Variants in IQGAP2 observed in about 807,000 individuals in gnomAD.
IQGAP2 encodes the protein ras GTPase-activating-like protein IQGAP2.
Under a neutral mutation model 201.3 loss-of-function variants are expected in IQGAP2, and 173 were observed. The ratio of observed to expected loss-of-function variants is 0.86; its 90% confidence interval spans 0.76 to 0.98. The LOEUF is 0.98. Ranked by LOEUF, IQGAP2 falls within the 50% of genes least tolerant of loss-of-function variation. IQGAP2 has a pLI of 0.00. For synonymous variants in IQGAP2, 675 were observed against 673.9 expected (o/e 1.00, Z -0.03); for missense variants, 1,687 against 1,864.8 (o/e 0.90, Z 1.76).
chr5:76,680,759 C>T (rs1398374113), intron 28 of IQGAP2, among the ~76,000 whole-genome samples: 2 of 149,166 alleles, frequency 1.3e-5, no homozygotes, highest in Non-Finnish European at 3.0e-5. Context: ...CCATTGTACC[C>T]TAACCTGGGT....
At chr5:76,666,009 A>T (rs1034651130) in intron 22 of IQGAP2, among the ~76,000 whole-genome samples, 6 of 152,204 alleles carry the variant, frequency 3.9e-5, no homozygotes, top group African/African-American at 1.4e-4. Context: ...AAGCCTGGAG[A>T]TGCTTAGATC....
intron 1 of IQGAP2, among the ~76,000 whole-genome samples, chr5:76,453,161 G>A (rs948333552): frequency 1.3e-5 from 2 of 151,916 alleles, no homozygotes; most frequent in African/African-American, 2.4e-5. Context: ...TGATCCACCC[G>A]CCTCGGCCTT....
intron 26 of IQGAP2, among the ~76,000 whole-genome samples, 188 bp from the exon 27 acceptor site, chr5:76,674,288 AT>A (rs1744611770): frequency 6.6e-6 from 1 of 152,178 alleles, no homozygotes; most frequent in African/African-American, 2.4e-5. Context: ...AACTTTGCAA[AT>A]TATGCTATTA....
chr5:76,470,465 G>T (rs1033935960), intron 2 of IQGAP2, among the ~76,000 whole-genome samples: 4 of 152,152 alleles, frequency 2.6e-5, no homozygotes, highest in African/African-American at 9.7e-5. Context: ...AAGGGAATTT[G>T]AGGATAAAAT....
chr5:76,476,904 G>C (rs115692702), intron 2 of IQGAP2, among the ~76,000 whole-genome samples: 33 of 152,208 alleles, frequency 2.2e-4, no homozygotes, highest in African/African-American at 7.7e-4. Flanking sequence ...ATAAGTGGGC[G>C]TGTGTGTCTA....
intron 2 of IQGAP2, among the ~76,000 whole-genome samples, chr5:76,549,265 G>A (rs1743287848): frequency 6.6e-6 from 1 of 151,988 alleles, no homozygotes; most frequent in Non-Finnish European, 1.5e-5. Context: ...TACCCAAGGG[G>A]CACGTAACTG....
intron 1 of IQGAP2, among the ~76,000 whole-genome samples, chr5:76,453,300 A>G (rs183238092): frequency 7.9e-4 from 121 of 152,314 alleles, no homozygotes; most frequent in African/African-American, 2.8e-3. Flanking sequence ...TTAAGTATTA[A>G]TCCTTTCTGT....
intron 1 of IQGAP2, among the ~76,000 whole-genome samples, chr5:76,455,294 C>G (rs1411439909): frequency 6.6e-6 from 1 of 151,112 alleles, no homozygotes; most frequent in Non-Finnish European, 1.5e-5. Context: ...ACTAAAAATA[C>G]AAAAAAAATT....
chr5:76,597,443 G>A lies in IQGAP2; in HGVS notation c.912G>A (p.Gln304=). 2 of 1,613,900 alleles carry A rather than the reference G, an allele frequency of 1.2e-6. No homozygotes were observed. The highest frequency in any genetic ancestry group is 1.7e-6 in the Non-Finnish European group (2 of 1,179,918). ...AACATGAACCCCCATCCTCAGGGCA[G>A]GCTGCAGTGGACCATATCAATGCTG... is the stretch of plus-strand genomic sequence containing the variant. ...IQGNINKVNR[Q]AAVDHINAVI... The change falls in exon 10 of 36, where the codon CAG becomes CAA. Residue 304 remains glutamine, a synonymous_variant. Transcript: ENST00000274364.
At chr5:76,484,892 C>T (rs1281143577) in intron 2 of IQGAP2, among the ~76,000 whole-genome samples, 1 of 152,140 alleles carries the variant, frequency 6.6e-6, no homozygotes, top group Non-Finnish European at 1.5e-5. Context: ...AGTGCAGTGG[C>T]ATGATCACGA....
chr5:76,568,908 G>A (rs1744924206), intron 3 of IQGAP2, among the ~76,000 whole-genome samples: 1 of 152,192 alleles, frequency 6.6e-6, no homozygotes, highest in South Asian at 2.1e-4. Flanking sequence ...TCTCATACCT[G>A]TCTTGGTTCA....
intron 12 of IQGAP2, chr5:76,608,986 C>G (rs3822529): frequency 0.49 from 535,635 of 1,085,778 alleles, 137,414 homozygotes; most frequent in African/African-American, 0.73. Flanking sequence ...AGCAATCTTT[C>G]TTCAAATAGG....
At chr5:76,585,554 C>T (rs923795895) in intron 5 of IQGAP2, among the ~76,000 whole-genome samples, 3 of 150,188 alleles carry the variant, frequency 2.0e-5, no homozygotes, top group Non-Finnish European at 4.4e-5. Flanking sequence ...ACTCTTGCTG[C>T]CCAGGCTGGA....
intron 2 of IQGAP2, among the ~76,000 whole-genome samples, chr5:76,537,349 G>T (rs943591556): frequency 8.5e-5 from 13 of 152,142 alleles, no homozygotes. Flanking sequence ...TATAGAGCTG[G>T]GTAGTAATAG....
chr5:76,460,036 GCTAT>G (rs1754343221), intron 1 of IQGAP2, among the ~76,000 whole-genome samples: 1 of 152,178 alleles, frequency 6.6e-6, no homozygotes, highest in African/African-American at 2.4e-5. Flanking sequence ...CGCGCAGAGT[GCTAT>G]CTATGTGCAA....
chr5:76,460,323 C>T (rs770405658), intron 1 of IQGAP2, among the ~76,000 whole-genome samples: 44 of 152,100 alleles, frequency 2.9e-4, no homozygotes, highest in Admixed American at 1.9e-3. Flanking sequence ...AAGCACTCAG[C>T]GTTGGAGGGA....
chr5:76,684,094 A>G (rs887089981), intron 30 of IQGAP2, among the ~76,000 whole-genome samples, 177 bp downstream of exon 30: 1 of 152,232 alleles, frequency 6.6e-6, no homozygotes, highest in Admixed American at 6.5e-5. Flanking sequence ...TTAGGAAGGC[A>G]TTAAATATTA....
At chr5:76,639,966 C>T (rs998471886) in intron 16 of IQGAP2, among the ~76,000 whole-genome samples, 7 of 152,070 alleles carry the variant, frequency 4.6e-5, no homozygotes, top group African/African-American at 7.2e-5. Context: ...GCAGCAGCAT[C>T]GAAGATTTAA....
chr5:76,669,029 C>T (rs1199788518), intron 23 of IQGAP2, among the ~76,000 whole-genome samples, 185 bp downstream of exon 23: 2 of 152,156 alleles, frequency 1.3e-5, no homozygotes, highest in Non-Finnish European at 2.9e-5. Flanking sequence ...TTTTCTCCCA[C>T]CAGTGATACT....
Sources: gnomAD v4.1 joint callset for allele counts (sites outside exome capture counted in the v4.1 genomes callset) on GRCh38, gnomAD v4.1.1 for gene constraint, MANE v1.5 for transcripts, NCBI Gene and HGNC (gene_info 2026-07-23, HGNC 2026-07-21) for gene names.